Variants in KIF26B observed in about 807,000 individuals in gnomAD.
KIF26B encodes the protein kinesin family member 26B, also known as kinesin-like protein KIF26B.
KIF26B carries 63 observed loss-of-function variants against 151.2 expected under a neutral mutation model. That is an observed-to-expected ratio of 0.42 (90% CI 0.34 to 0.51). The LOEUF (loss-of-function observed/expected upper bound fraction) is 0.51, where lower values mean the gene tolerates loss of function less well. Among genes scored for constraint, KIF26B ranks in the 20% least tolerant of loss-of-function variants. The pLI is 0.07. For missense variants in KIF26B, 2,813 were observed against 2,913.6 expected (o/e 0.97, Z 0.79); for synonymous variants, 1,357 against 1,262.1 (o/e 1.08, Z -1.59).
intron 3 of KIF26B, among the ~76,000 whole-genome samples, chr1:245,405,030 C>T (rs1356577525): frequency 6.6e-6 from 1 of 152,210 alleles, no homozygotes; most frequent in Non-Finnish European, 1.5e-5. Flanking sequence ...AAAACACACA[C>T]ATGTAAATAA....
At chr1:245,410,227 T>C (rs1055724354) in intron 3 of KIF26B, among the ~76,000 whole-genome samples, 5 of 152,162 alleles carry the variant, frequency 3.3e-5, no homozygotes, top group Admixed American at 2.0e-4. Flanking sequence ...CAAAGTGGGA[T>C]CTTGTCACTG....
chr1:245,500,002 T>G (rs534586773), intron 4 of KIF26B, among the ~76,000 whole-genome samples: 2 of 152,222 alleles, frequency 1.3e-5, no homozygotes, highest in African/African-American at 4.8e-5. Flanking sequence ...AATGCGCACT[T>G]TGTTTTAGGC....
intron 9 of KIF26B, among the ~76,000 whole-genome samples, chr1:245,640,143 C>CTCTCTCTCTCTCTATATATATATATATA: frequency 6.3e-5 from 2 of 31,922 alleles, no homozygotes; most frequent in African/African-American, 2.8e-4. Flanking sequence ...CTCTCTCTCT[C>CTCTCTCTCTCTCTATATATATATATATA]TATATATATA....
rs1000886097 is a variant in KIF26B at position 245,606,167 on chromosome 1, ACCCCCTCTG to A, written c.1558-1483_1558-1475del. ...TGCCCTACAGCAGCCCTGTCCTGCCACCCCCTCTGGCCCAGGAGGAGCCCCCCGCCCCCC... is the reference window on the plus strand; with the variant it reads ...TGCCCTACAGCAGCCCTGTCCTGCCAGCCCAGGAGGAGCCCCCCGCCCCCC... On this transcript the variant is annotated intron_variant, in intron 6 of 14. Coordinates refer to ENST00000407071, the MANE Select transcript of KIF26B (RefSeq NM_018012.4). This position sits in a 1 kb window ranked among gnomAD's most constrained non-coding sequence, Gnocchi z 4.6. 1.3e-4 allele frequency among the ~76,000 whole-genome samples: 20 copies of A among 151,482 alleles called. 1 individual carries two copies. The highest frequency in any genetic ancestry group is 4.6e-4 in the African/African-American group (19 of 41,318).
rs540959286 is a variant in KIF26B at position 245,204,934 on chromosome 1, C to G, written c.465+48251C>G. On this transcript the variant is annotated intron_variant, in intron 2 of 14. Coordinates refer to ENST00000407071, the MANE Select transcript of KIF26B (RefSeq NM_018012.4). ...TAGCTGGGACCTCAGATGCACACCA[C>G]CATTCCTGGCTAATTTTTAACAATT... Among the ~76,000 whole-genome samples, 14 of 152,174 alleles carry G rather than the reference C, an allele frequency of 9.2e-5. No individual in the cohort carries two copies. The East Asian group carries it at 2.5e-3, about 27-fold the overall frequency.
intron 2 of KIF26B, among the ~76,000 whole-genome samples, chr1:245,330,880 A>T (rs1422182027): frequency 1.3e-5 from 2 of 150,800 alleles, no homozygotes; most frequent in African/African-American, 2.5e-5. Flanking sequence ...TCCTTTAATG[A>T]TTTCAAATGA....
chr1:245,292,895 A>G (rs554514040), intron 2 of KIF26B, among the ~76,000 whole-genome samples: 26 of 152,282 alleles, frequency 1.7e-4, no homozygotes, highest in African/African-American at 6.3e-4. Context: ...CAGTTCATTA[A>G]CCTTGTGGCC....
chr1:245,539,629 T>C (rs1379669719), intron 4 of KIF26B, among the ~76,000 whole-genome samples: 1 of 152,180 alleles, frequency 6.6e-6, no homozygotes, highest in Non-Finnish European at 1.5e-5. Context: ...TCTTCTTCTT[T>C]TCTGTGATAA....
At chr1:245,339,144 AT>A (rs1207193647) in intron 2 of KIF26B, among the ~76,000 whole-genome samples, 1 of 151,660 alleles carries the variant, frequency 6.6e-6, no homozygotes, top group African/African-American at 2.4e-5. Flanking sequence ...CGCCTGGCTA[AT>A]TTTTTTGTAT....
rs115696529 is a variant in KIF26B, at chr1:245,515,839, G to T, written c.1167-24928G>T. On this transcript the variant is annotated intron_variant, in intron 4 of 14. Coordinates refer to ENST00000407071, the MANE Select transcript of KIF26B (RefSeq NM_018012.4). The stretch of plus-strand genomic sequence containing the variant: ...CATGGGAGGGCTCGCTCTGTAACTC[G>T]GCTTGTCCCAGGGTATGAATGAGGG... Among the ~76,000 whole-genome samples, 359 of 152,250 alleles carry T rather than the reference G, an allele frequency of 2.4e-3. 1 individual carries two copies. Among genetic ancestry groups the T allele is most frequent in the African/African-American group, 7.8e-3 (324 of 41,550 alleles).
intron 4 of KIF26B, among the ~76,000 whole-genome samples, chr1:245,538,599 C>G (rs1572112716): frequency 6.6e-6 from 1 of 152,182 alleles, no homozygotes; most frequent in East Asian, 1.9e-4. Flanking sequence ...TCTAAGCTGC[C>G]TTTCAGTATC....
intron 2 of KIF26B, among the ~76,000 whole-genome samples, chr1:245,234,824 G>T (rs1205735389): frequency 1.3e-5 from 2 of 152,220 alleles, no homozygotes; most frequent in African/African-American, 4.8e-5. Flanking sequence ...GCTATTAAGT[G>T]TTTCTAAGAG....
chr1:245,465,368 G>T (rs1266158597), intron 4 of KIF26B, among the ~76,000 whole-genome samples: 1 of 149,978 alleles, frequency 6.7e-6, no homozygotes, highest in Admixed American at 6.7e-5. Flanking sequence ...CTGCTGGTGA[G>T]AGGCGGTTGC....
intron 4 of KIF26B, among the ~76,000 whole-genome samples, chr1:245,508,512 G>A (rs1282303764): frequency 6.6e-6 from 1 of 152,048 alleles, no homozygotes; most frequent in East Asian, 1.9e-4. Context: ...AGTGCTGTGT[G>A]ATCCTTAACT....
intron 2 of KIF26B, among the ~76,000 whole-genome samples, chr1:245,165,937 A>G (rs1573682709): frequency 6.6e-6 from 1 of 152,218 alleles, no homozygotes; most frequent in East Asian, 1.9e-4. Flanking sequence ...CATCTCAGGC[A>G]GCATTTGAGT....
At chr1:245,290,805 G>C (rs1671241668) in intron 2 of KIF26B, among the ~76,000 whole-genome samples, 1 of 152,156 alleles carries the variant, frequency 6.6e-6, no homozygotes, top group South Asian at 2.1e-4. Context: ...AACCCTACTT[G>C]GTGTATCAGT....
chr1:245,184,314 A>G (rs1668965212), intron 2 of KIF26B, among the ~76,000 whole-genome samples: 1 of 152,066 alleles, frequency 6.6e-6, no homozygotes, highest in Admixed American at 6.6e-5. Flanking sequence ...CATGAGCTCC[A>G]GGCCAGGTCT....
Position 245,219,663 on chromosome 1 carries a change from G to A in KIF26B, c.465+62980G>A, listed in dbSNP as rs1205139472. ...GCGGGAGGATCACCTGAGCCTAGGA[G>A]GTCAAGGCTGCTGTGAGCTGTGATT... On this transcript the variant is annotated intron_variant, in intron 2 of 14. Coordinates refer to ENST00000407071, the MANE Select transcript of KIF26B (RefSeq NM_018012.4). Among the ~76,000 whole-genome samples, 3 of 152,154 alleles carry A rather than the reference G, an allele frequency of 2.0e-5. No homozygotes were observed. The East Asian group carries it at 5.8e-4, about 29-fold the overall frequency.
chr1:245,207,588 C>T (rs145936828), intron 2 of KIF26B, among the ~76,000 whole-genome samples: 5 of 152,334 alleles, frequency 3.3e-5, no homozygotes, highest in African/African-American at 1.2e-4. Flanking sequence ...CATCTTCATA[C>T]TCCCTAAGGA....
Sources: gnomAD v4.1 joint callset for allele counts (sites outside exome capture counted in the v4.1 genomes callset) on GRCh38, gnomAD v4.1.1 for gene constraint, Gnocchi (gnomAD v3.1) non-coding constraint, MANE v1.5 for transcripts, NCBI Gene and HGNC (gene_info 2026-07-23, HGNC 2026-07-21) for gene names.